Variants in MTHFD2L observed in about 807,000 individuals in gnomAD.
MTHFD2L encodes methylenetetrahydrofolate dehydrogenase (NADP+ dependent) 2 like.
Under a neutral mutation model 34.9 loss-of-function variants are expected in MTHFD2L, and 29 were observed. The ratio of observed to expected loss-of-function variants is 0.83; its 90% confidence interval spans 0.62 to 1.13. The LOEUF (loss-of-function observed/expected upper bound fraction) is 1.13. Ranked by LOEUF, MTHFD2L falls within the 50% of genes most tolerant of loss-of-function variation. MTHFD2L has a pLI of 0.00. For missense variants in MTHFD2L, 481 were observed against 446.5 expected (o/e 1.08, Z -0.70); for synonymous variants, 167 against 155.7 (o/e 1.07, Z -0.54).
At chr4:74,172,423 C>T (rs1365753104) in intron 1 of MTHFD2L, among the ~76,000 whole-genome samples, 1 of 151,934 alleles carries the variant, frequency 6.6e-6, no homozygotes, top group Non-Finnish European at 1.5e-5. Context: ...CATTTCATGT[C>T]TTGAAAGCTA....
intron 1 of MTHFD2L, among the ~76,000 whole-genome samples, chr4:74,139,076 G>C (rs1211940124): frequency 2.0e-5 from 3 of 152,132 alleles, no homozygotes; most frequent in Non-Finnish European, 1.5e-5. Context: ...CTGTCTCTCA[G>C]CTTGTTTTGG....
chr4:74,127,596 C>T (rs541350812), intron 1 of MTHFD2L, among the ~76,000 whole-genome samples: 2 of 152,240 alleles, frequency 1.3e-5, no homozygotes, highest in South Asian at 4.1e-4. Flanking sequence ...GTTGTTGTGG[C>T]TGAAAAATAT....
chr4:74,231,021 G>A (rs1578551726), intron 6 of MTHFD2L, among the ~76,000 whole-genome samples: 1 of 152,244 alleles, frequency 6.6e-6, no homozygotes, highest in East Asian at 1.9e-4. Flanking sequence ...GGTGGTGAAA[G>A]CTGGCATTTT....
At chr4:74,231,744 A>G (rs947930499) in intron 6 of MTHFD2L, among the ~76,000 whole-genome samples, 1 of 152,182 alleles carries the variant, frequency 6.6e-6, no homozygotes, top group Non-Finnish European at 1.5e-5. Flanking sequence ...TGTGATTTAA[A>G]TGATAATAAT....
At chr4:74,158,376 TG>T in intron 1 of MTHFD2L, 95 bp downstream of exon 1, 1 of 949,488 alleles carries the variant, frequency 1.1e-6, no homozygotes, top group South Asian at 4.8e-5. Flanking sequence ...CCAAGGCTCG[TG>T]GGCGGCCGCG....
chr4:74,264,016 T>TA (rs898478689), intron 6 of MTHFD2L, among the ~76,000 whole-genome samples: 48 of 151,604 alleles, frequency 3.2e-4, no homozygotes, highest in African/African-American at 8.0e-4. Flanking sequence ...CCATTCCTGA[T>TA]AAAAAAAAAT....
Position 74,158,131 on chromosome 4 carries a change from C to G in MTHFD2L, c.-8C>G. Reference sequence around the variant, plus strand: ...GAGCCCCAGTCCGGAAGCCGGGGATCCGCGGCCATGACGGTGCCGGTCCGC... The same window carrying G: ...GAGCCCCAGTCCGGAAGCCGGGGATGCGCGGCCATGACGGTGCCGGTCCGC... On this transcript the variant is annotated 5_prime_UTR_variant, in exon 1 of 8. The change creates a new upstream start codon in the 5' untranslated region. Transcript: ENST00000325278. 6.5e-7 allele frequency: 1 copy of G among 1,530,704 alleles called. No homozygotes were observed. The highest frequency in any genetic ancestry group is 8.8e-7 in the Non-Finnish European group (1 of 1,141,618). 94.8% of individuals were successfully genotyped at this position (1,530,704 alleles called of 1,614,324 possible). A position where few individuals can be genotyped will look rare whatever the true frequency, so the allele number is the denominator to read the frequency against.
intron 1 of MTHFD2L, among the ~76,000 whole-genome samples, chr4:74,132,728 A>G (rs1055987446): frequency 9.9e-5 from 15 of 152,126 alleles, no homozygotes; most frequent in Non-Finnish European, 7.4e-5. Context: ...CTCAGAACTT[A>G]AAGTATAATA....
At chr4:74,225,221 G>A in intron 5 of MTHFD2L, 81 bp from the exon 6 acceptor site, 1 of 1,052,858 alleles carries the variant, frequency 9.5e-7, no homozygotes, top group Non-Finnish European at 1.4e-6. Context: ...TAGGAAATAA[G>A]TGAAACTCTT....
chr4:74,285,024 C>T (rs148237923), intron 7 of MTHFD2L, among the ~76,000 whole-genome samples: 8 of 152,100 alleles, frequency 5.3e-5, no homozygotes, highest in Middle Eastern at 3.4e-3. Flanking sequence ...AAAAGGATGA[C>T]TTCATGTCCT....
At chr4:74,160,798 T>A (rs1215035034) in intron 1 of MTHFD2L, 2 of 152,264 alleles carry the variant, frequency 1.3e-5, no homozygotes, top group Non-Finnish European at 2.9e-5. Context: ...TGCTTTTCAG[T>A]GTGAGGAGTC....
rs76220924 is a variant in MTHFD2L at position 74,173,010 on chromosome 4, G to A, written c.144-1496G>A. ...TGTACAGATACCACAAAGAATTAAG[G>A]TTTATAAGGGCTTCCTTTCCTCCTC... On this transcript the variant is annotated intron_variant, in intron 1 of 7. Coordinates refer to ENST00000325278, the MANE Select transcript of MTHFD2L (RefSeq NM_001144978.3). Among the ~76,000 whole-genome samples the A allele has an allele frequency of 5.4e-3, 828 of 152,210 alleles. 4 individuals are homozygous for A. Among genetic ancestry groups the A allele is most frequent in the Middle Eastern group, 0.01 (3 of 294 alleles).
chr4:74,243,764 G>A (rs979887655), intron 6 of MTHFD2L, among the ~76,000 whole-genome samples: 2 of 152,138 alleles, frequency 1.3e-5, no homozygotes, highest in African/African-American at 4.8e-5. Flanking sequence ...CAAGGTAACA[G>A]AGCCACGCAT....
chr4:74,195,626 A>C (rs576936734), intron 3 of MTHFD2L: 1 of 152,338 alleles, frequency 6.6e-6, no homozygotes, highest in Admixed American at 6.5e-5. Flanking sequence ...AATCTGAGAC[A>C]AATGTCAGTT....
chr4:74,202,114 G>A (rs1734545664), intron 5 of MTHFD2L, among the ~76,000 whole-genome samples: 1 of 152,204 alleles, frequency 6.6e-6, no homozygotes, highest in Admixed American at 6.5e-5. Context: ...GCACAGTGCT[G>A]TAAACAGTTG....
intron 1 of MTHFD2L, among the ~76,000 whole-genome samples, chr4:74,166,863 ACT>A (rs776094863): frequency 2.0e-5 from 3 of 151,986 alleles, no homozygotes; most frequent in Non-Finnish European, 4.4e-5. Flanking sequence ...AGGGACCCAA[ACT>A]CTGCACCCAA....
intron 1 of MTHFD2L, among the ~76,000 whole-genome samples, chr4:74,149,419 A>ATTATAGCT (rs1270744520): frequency 5.4e-5 from 8 of 147,372 alleles, no homozygotes; most frequent in Admixed American, 2.0e-4. Context: ...AAATGAATGA[A>ATTATAGCT]TTATAGCTAC....
chr4:74,232,631 T>G (rs1413336664), intron 6 of MTHFD2L, among the ~76,000 whole-genome samples: 1 of 152,076 alleles, frequency 6.6e-6, no homozygotes, highest in African/African-American at 2.4e-5. Flanking sequence ...CTTAGAAAAC[T>G]TGGACAATAG....
At chr4:74,138,560 G>GA (rs1723091492) in intron 1 of MTHFD2L, among the ~76,000 whole-genome samples, 1 of 152,082 alleles carries the variant, frequency 6.6e-6, no homozygotes, top group Admixed American at 6.6e-5. Flanking sequence ...AACCATGCAG[G>GA]AACAATGGCG....
Sources: allele counts gnomAD v4.1 joint callset (sites outside exome capture counted in the v4.1 genomes callset), GRCh38; gene constraint gnomAD v4.1.1; transcripts MANE v1.5; gene names NCBI Gene and HGNC (gene_info 2026-07-23, HGNC 2026-07-21).